AFG2A: variants seen among roughly 807,000 people sequenced by gnomAD.
AFG2A encodes the protein AAA ATPase AFG2A.
chr4:123,203,723 T>C, the AFG2A span, among the ~76,000 whole-genome samples: 2 of 152,372 alleles, frequency 1.3e-5, no homozygotes, highest in Admixed American at 6.5e-5. Context: ...ATACAAACTT[T>C]TATGTGAACA....
chr4:123,003,810 G>A, the AFG2A span, among the ~76,000 whole-genome samples: 1 of 152,158 alleles, frequency 6.6e-6, no homozygotes, highest in African/African-American at 2.4e-5. Context: ...CCAGCTGCGT[G>A]CTGGGAAAAC....
chr4:123,003,293 C>A, the AFG2A span, among the ~76,000 whole-genome samples: 1 of 152,214 alleles, frequency 6.6e-6, no homozygotes, highest in Non-Finnish European at 1.5e-5. Context: ...TTGAAGCCTT[C>A]TTCTCTCAAC....
chr4:123,104,067 G>A, the AFG2A span, among the ~76,000 whole-genome samples: 21 of 152,136 alleles, frequency 1.4e-4, no homozygotes, highest in African/African-American at 2.4e-4. Flanking sequence ...GGGATACCTC[G>A]TTATATTGTG....
the AFG2A span, among the ~76,000 whole-genome samples, chr4:123,123,825 G>A: frequency 0.61 from 90,643 of 149,640 alleles, 32,180 homozygotes; most frequent in East Asian, 0.96. Flanking sequence ...GGTGGCGCGC[G>A]CCTGTAGTCC....
chr4:123,135,714 G>A, the AFG2A span, among the ~76,000 whole-genome samples: 1 of 152,072 alleles, frequency 6.6e-6, no homozygotes, highest in African/African-American at 2.4e-5. Context: ...AAAGTATATG[G>A]GATAGGCATA....
At chr4:123,283,183 C>T in the AFG2A span, among the ~76,000 whole-genome samples, 1 of 152,012 alleles carries the variant, frequency 6.6e-6, no homozygotes, top group Non-Finnish European at 1.5e-5. Flanking sequence ...TAGCATTGTG[C>T]TGCGAATGAT....
chr4:123,254,922 C>CT, the AFG2A span, among the ~76,000 whole-genome samples: 1 of 152,080 alleles, frequency 6.6e-6, no homozygotes, highest in African/African-American at 2.4e-5. Context: ...TCTGAAACAG[C>CT]TAACAGCTTA....
At chr4:123,173,704 C>G in the AFG2A span, among the ~76,000 whole-genome samples, 8 of 152,028 alleles carry the variant, frequency 5.3e-5, no homozygotes, top group African/African-American at 1.7e-4. Context: ...GATGGTTTAA[C>G]ATTTAAAAAA....
the AFG2A span, among the ~76,000 whole-genome samples, chr4:123,173,080 A>G: frequency 6.6e-6 from 1 of 152,250 alleles, no homozygotes; most frequent in East Asian, 1.9e-4. Context: ...CTAAACACAA[A>G]CACTTGAATA....
At chr4:123,274,747 A>G in the AFG2A span, among the ~76,000 whole-genome samples, 2 of 152,088 alleles carry the variant, frequency 1.3e-5, no homozygotes, top group Non-Finnish European at 2.9e-5. Flanking sequence ...TGTCATTCCT[A>G]TATGAAGGAA....
the AFG2A span, among the ~76,000 whole-genome samples, chr4:122,968,487 C>T: frequency 0.011 from 1,695 of 152,272 alleles, 45 homozygotes; most frequent in African/African-American, 0.038. Context: ...CTCCTGGCTT[C>T]GAATGCCATA....
chr4:123,164,371 T>C, the AFG2A span, among the ~76,000 whole-genome samples: 1 of 111,202 alleles, frequency 9.0e-6, no homozygotes, highest in South Asian at 2.6e-4. Flanking sequence ...TTTGTTTTAT[T>C]TTTTGTTTTT....
chr4:123,283,230 AT>A, the AFG2A span, among the ~76,000 whole-genome samples: 1 of 152,326 alleles, frequency 6.6e-6, no homozygotes, highest in Admixed American at 6.5e-5. Flanking sequence ...AGGGAATAAT[AT>A]TTTTAAGTCA....
the AFG2A span, among the ~76,000 whole-genome samples, chr4:123,185,832 A>C: frequency 6.6e-6 from 1 of 152,100 alleles, no homozygotes; most frequent in African/African-American, 2.4e-5. Flanking sequence ...TGCATTGTAC[A>C]GTGAGCCGAG....
At chr4:123,249,278 G>C in the AFG2A span, among the ~76,000 whole-genome samples, 1 of 152,170 alleles carries the variant, frequency 6.6e-6, no homozygotes. Context: ...AAAACAGGGA[G>C]GCAGAAAGCA....
chr4:123,022,167 A>C, the AFG2A span, among the ~76,000 whole-genome samples: 794 of 152,190 alleles, frequency 5.2e-3, 7 homozygotes, highest in African/African-American at 0.018. Context: ...CAATGGCAAC[A>C]AAAGCCAAAA....
chr4:122,977,695 G>T, the AFG2A span, among the ~76,000 whole-genome samples: 1 of 152,216 alleles, frequency 6.6e-6, no homozygotes, highest in African/African-American at 2.4e-5. Flanking sequence ...CATTTGGAAG[G>T]TCCTGAGTTC....
At chr4:122,973,126 T>G in the AFG2A span, among the ~76,000 whole-genome samples, 1 of 152,178 alleles carries the variant, frequency 6.6e-6, no homozygotes, top group Non-Finnish European at 1.5e-5. Flanking sequence ...ATATTCTTGG[T>G]GAATTGACCC....
At chr4:123,304,618 G>A in the AFG2A span, among the ~76,000 whole-genome samples, 1 of 152,186 alleles carries the variant, frequency 6.6e-6, no homozygotes, top group East Asian at 1.9e-4. Flanking sequence ...CCACTTTCTT[G>A]AAAATACCTA....
Sources: allele counts gnomAD v4.1 joint callset (sites outside exome capture counted in the v4.1 genomes callset), GRCh38; gene constraint gnomAD v4.1.1; transcripts MANE v1.5; gene names NCBI Gene and HGNC (gene_info 2026-07-23, HGNC 2026-07-21).